The following IKZF2 variants were observed in gnomAD, a reference collection of about 807,000 sequenced individuals.
IKZF2 encodes IKAROS family zinc finger 2, also known as zinc finger protein Helios.
IKZF2 carries 15 observed loss-of-function variants against 49.2 expected under a neutral mutation model. The ratio of observed to expected loss-of-function variants is 0.30; its 90% CI spans 0.20 to 0.47. IKZF2 has a LOEUF of 0.47. Among genes scored for constraint, IKZF2 ranks in the 20% least tolerant of loss-of-function variants. The probability of loss-of-function intolerance (pLI) is 1.00; values close to 1 mark genes in which losing one functional copy is unlikely to be tolerated. For synonymous variants in IKZF2, 227 were observed against 221.4 expected (o/e 1.03, Z -0.23); for missense variants, 567 against 664.6 (o/e 0.85, Z 1.61).
intron 4 of IKZF2, among the ~76,000 whole-genome samples, chr2:213,135,853 G>A (rs897737853): frequency 6.6e-6 from 1 of 151,100 alleles, no homozygotes; most frequent in Non-Finnish European, 1.5e-5. Flanking sequence ...GTACGAGAGC[G>A]CCTGACCAAC....
chr2:213,039,762 G>T (rs2125254612), intron 6 of IKZF2, among the ~76,000 whole-genome samples: 1 of 152,036 alleles, frequency 6.6e-6, no homozygotes, highest in South Asian at 2.1e-4. Flanking sequence ...CTCAATGCTG[G>T]TTCAATTGAA....
rs1695526354 is a variant in IKZF2, at chr2:213,007,987, G to T, written c.954C>A (p.Asp318Glu). ...EAELMQSHMM[D>E]QAINNAITYL... ...AGGTGATTGCATTGTTGATGGCTTG[G>T]TCCATCATATGAGACTGCATCAGCT... The change falls in exon 9 of 9, where the codon GAC becomes GAA. Residue 318 changes from aspartate (D) to glutamate (E), a missense_variant. Transcript: ENST00000434687. 26 of 1,613,442 alleles carry T rather than the reference G, an allele frequency of 1.6e-5. No individual in the cohort carries two copies. The highest frequency in any genetic ancestry group is 2.2e-5 in the Non-Finnish European group (26 of 1,179,718).
At chr2:213,050,000 C>G (rs1440417232) in intron 5 of IKZF2, 120 bp from the exon 6 acceptor site, 5 of 623,656 alleles carry the variant, frequency 8.0e-6, no homozygotes, top group Non-Finnish European at 1.2e-5. Flanking sequence ...CCTCATAAGT[C>G]TTTTAAACAT....
chr2:213,027,475 T>C (rs1230195990), intron 6 of IKZF2, among the ~76,000 whole-genome samples: 1 of 152,138 alleles, frequency 6.6e-6, no homozygotes, highest in African/African-American at 2.4e-5. Flanking sequence ...TACTGATAAC[T>C]CAGAGTCCAG....
At chr2:213,147,131 T>C (rs1045656557) in intron 4 of IKZF2, among the ~76,000 whole-genome samples, 2 of 152,144 alleles carry the variant, frequency 1.3e-5, no homozygotes, top group African/African-American at 4.8e-5. Flanking sequence ...TTCCTACAAA[T>C]TCAAAACATC....
At chr2:213,150,059 T>C (rs1265518427) in intron 2 of IKZF2, 85 bp downstream of exon 2, 2 of 634,822 alleles carry the variant, frequency 3.2e-6, no homozygotes, top group Non-Finnish European at 5.0e-6. Flanking sequence ...GAAAGAAGGC[T>C]GCCCCATCAA....
chr2:213,151,884 T>C (rs942552925), upstream of IKZF2, among the ~76,000 whole-genome samples: 1 of 150,400 alleles, frequency 6.6e-6, no homozygotes. Context: ...GGCGGGCGCG[T>C]GTGCGCGTGT....
Position 213,118,061 on chromosome 2 carries a change from G to T in IKZF2, c.139+29647C>A, listed in dbSNP as rs575825758. ...GCATTCTCATTAAAAAAAGAGAGAC[G>T]GCTTATAAATGGACTTAAAAGACAA... On this transcript the variant is annotated intron_variant, in intron 4 of 8. Coordinates refer to ENST00000434687, the MANE Select transcript of IKZF2 (RefSeq NM_001387220.1). Among the ~76,000 whole-genome samples, 5 of 151,824 alleles carry T rather than the reference G, an allele frequency of 3.3e-5. No individual in the cohort carries two copies. In the East Asian group the frequency reaches 9.7e-4, roughly 29 times the overall value.
intron 4 of IKZF2, among the ~76,000 whole-genome samples, chr2:213,134,635 C>G (rs1225032242): frequency 6.6e-6 from 1 of 152,166 alleles, no homozygotes; most frequent in Non-Finnish European, 1.5e-5. Context: ...CAATCTACCC[C>G]CATCTCCTAC....
At chr2:213,066,660 T>C (rs1159393519) in intron 4 of IKZF2, among the ~76,000 whole-genome samples, 1 of 152,070 alleles carries the variant, frequency 6.6e-6, no homozygotes, top group African/African-American at 2.4e-5. Context: ...GACAGATCAG[T>C]GCCAGATACT....
intron 4 of IKZF2, among the ~76,000 whole-genome samples, chr2:213,084,451 G>A (rs957629730): frequency 1.3e-5 from 2 of 152,100 alleles, no homozygotes; most frequent in African/African-American, 4.8e-5. Context: ...TATGGTCAGT[G>A]TTAGAAAAGT....
intron 4 of IKZF2, among the ~76,000 whole-genome samples, chr2:213,088,939 AG>A (rs1280084230): frequency 6.6e-6 from 1 of 152,196 alleles, no homozygotes; most frequent in Non-Finnish European, 1.5e-5. Context: ...GAGGACACTA[AG>A]TCTTAAAAAA....
chr2:213,015,621 C>T (rs1019671483), intron 7 of IKZF2, among the ~76,000 whole-genome samples: 1 of 151,822 alleles, frequency 6.6e-6, no homozygotes, highest in African/African-American at 2.4e-5. Flanking sequence ...TAATGAGATA[C>T]AAATTGTGGT....
intron 4 of IKZF2, among the ~76,000 whole-genome samples, chr2:213,085,699 T>C (rs755243871): frequency 2.0e-4 from 31 of 152,216 alleles, no homozygotes; most frequent in Non-Finnish European, 3.7e-4. Context: ...ATCTGTAGAA[T>C]GAAGGAGGCA....
intron 6 of IKZF2, among the ~76,000 whole-genome samples, chr2:213,039,004 AT>A (rs553448937): frequency 9.2e-4 from 136 of 147,566 alleles, no homozygotes; most frequent in African/African-American, 1.4e-3. Flanking sequence ...CCACATGGTA[AT>A]TTTTTTTTTT....
intron 4 of IKZF2, among the ~76,000 whole-genome samples, chr2:213,128,626 G>GTTC (rs1158779004): frequency 6.6e-6 from 1 of 151,638 alleles, no homozygotes; most frequent in African/African-American, 2.4e-5. Flanking sequence ...AGGTTTTGTT[G>GTTC]TTGTTGTTGT....
At chr2:213,145,467 T>A (rs1302451902) in intron 4 of IKZF2, among the ~76,000 whole-genome samples, 1 of 152,026 alleles carries the variant, frequency 6.6e-6, no homozygotes, top group African/African-American at 2.4e-5. Context: ...ACCGGTGATC[T>A]CAGACACAAG....
At chr2:213,125,457 A>T (rs1284334942) in intron 4 of IKZF2, among the ~76,000 whole-genome samples, 1 of 152,200 alleles carries the variant, frequency 6.6e-6, no homozygotes, top group Non-Finnish European at 1.5e-5. Flanking sequence ...CGTAGATACC[A>T]TCTTCCCCCA....
At chr2:213,064,275 T>G (rs921496584) in intron 4 of IKZF2, among the ~76,000 whole-genome samples, 5 of 152,030 alleles carry the variant, frequency 3.3e-5, no homozygotes, top group Non-Finnish European at 7.4e-5. Context: ...AGGATTTCCT[T>G]TGTGGTCAAG....
Sources: gnomAD v4.1 joint callset for allele counts (sites outside exome capture counted in the v4.1 genomes callset) on GRCh38, gnomAD v4.1.1 for gene constraint, MANE v1.5 for transcripts, NCBI Gene and HGNC (gene_info 2026-07-23, HGNC 2026-07-21) for gene names.